Variants in CDH23 observed in about 807,000 individuals in gnomAD.
The protein encoded by CDH23 is cadherin-23.
CDH23 carries 189 observed loss-of-function variants against 317.1 expected under a neutral mutation model. The ratio of observed to expected loss-of-function variants is 0.60; its 90% CI spans 0.53 to 0.67. The LOEUF (loss-of-function observed/expected upper bound fraction) is 0.67, where lower values mean the gene tolerates loss of function less well. Among genes scored for constraint, CDH23 ranks in the 30% least tolerant of loss-of-function variants. CDH23 has a pLI of 0.00. For missense variants in CDH23, 4,401 were observed against 4,592.4 expected (o/e 0.96, Z 1.20); for synonymous variants, 1,839 against 1,876.8 (o/e 0.98, Z 0.52).
chr10:71,553,673 A>G (rs1856724332), intron 6 of CDH23, among the ~76,000 whole-genome samples: 1 of 152,204 alleles, frequency 6.6e-6, no homozygotes, highest in Non-Finnish European at 1.5e-5. Context: ...TTTGTTAGGC[A>G]CCGCTTCCCA....
At chr10:71,759,960 C>CACATACAT (rs1198070941) in intron 38 of CDH23, among the ~76,000 whole-genome samples, 4 of 124,286 alleles carry the variant, frequency 3.2e-5, no homozygotes, top group East Asian at 2.3e-4. Flanking sequence ...TATATACACA[C>CACATACAT]ACATATATAT....
intron 11 of CDH23, among the ~76,000 whole-genome samples, chr10:71,630,537 G>A (rs546031400): frequency 1.9e-4 from 29 of 152,342 alleles, no homozygotes; most frequent in South Asian, 1.7e-3. Context: ...GACTGCACAA[G>A]GTTTTTGGCC....
chr10:71,590,614 T>C (rs1589241407), intron 9 of CDH23, among the ~76,000 whole-genome samples: 5 of 152,214 alleles, frequency 3.3e-5, no homozygotes, highest in Admixed American at 3.3e-4. Context: ...ACAGTGGTAG[T>C]ACCAAATGTC....
At chr10:71,600,329 C>T (rs1217698050) in intron 9 of CDH23, among the ~76,000 whole-genome samples, 2 of 151,592 alleles carry the variant, frequency 1.3e-5, no homozygotes, top group East Asian at 1.9e-4. Context: ...AGTGGGTTGG[C>T]CCACTGATGC....
intron 6 of CDH23, among the ~76,000 whole-genome samples, chr10:71,549,703 A>G (rs1249372136): frequency 2.0e-5 from 3 of 152,184 alleles, no homozygotes; most frequent in Non-Finnish European, 4.4e-5. Flanking sequence ...TTTTCAGATC[A>G]AAATCCACCT....
Position 71,645,995 on chromosome 10 carries a change from A to G in CDH23, c.1290+15A>G. ...ACGACTTTGATGTAAGGCCCCACTC[A>G]CTGGCATTTTGGAGTGGGGTGGGGG... On this transcript the variant is annotated intron_variant, in intron 13 of 69. Transcript: ENST00000224721. 1 of 1,606,120 alleles carries G rather than the reference A, an allele frequency of 6.2e-7. No homozygotes were observed. The highest frequency in any genetic ancestry group is 1.1e-5 in the South Asian group (1 of 89,896).
intron 20 of CDH23, among the ~76,000 whole-genome samples, chr10:71,693,827 G>A (rs1028212104): frequency 5.3e-5 from 8 of 152,140 alleles, no homozygotes; most frequent in African/African-American, 1.9e-4. Context: ...TGAGCTTAAG[G>A]CCTAATGGCC....
intron 6 of CDH23, among the ~76,000 whole-genome samples, chr10:71,565,684 A>C (rs7082381): frequency 0.61 from 92,090 of 152,006 alleles, 28,656 homozygotes; most frequent in East Asian, 0.88. Context: ...TCTTCTCAGC[A>C]CTTATGTGCT....
chr10:71,750,961 G>T, intron 38 of CDH23: 1 of 387,804 alleles, frequency 2.6e-6, no homozygotes, highest in Non-Finnish European at 4.6e-6. Context: ...TGGACGTTCT[G>T]AGACTTCTTA....
intron 9 of CDH23, among the ~76,000 whole-genome samples, chr10:71,580,651 A>G (rs754953308): frequency 5.3e-5 from 8 of 152,190 alleles, no homozygotes; most frequent in Non-Finnish European, 1.2e-4. Flanking sequence ...AATATTTGCC[A>G]TCCTTGCTAT....
At chr10:71,796,100 T>C in intron 48 of CDH23, 1 of 986,286 alleles carries the variant, frequency 1.0e-6, no homozygotes, top group Middle Eastern at 4.7e-4. Flanking sequence ...ACCCCATGGC[T>C]GGGGACCCAC....
intron 9 of CDH23, among the ~76,000 whole-genome samples, chr10:71,602,626 G>T (rs1315499914): frequency 6.6e-6 from 1 of 152,062 alleles, no homozygotes; most frequent in African/African-American, 2.4e-5. Flanking sequence ...AAACTTCAGG[G>T]TGCACCTGTC....
At chr10:71,421,689 A>C (rs1848824351) in intron 1 of CDH23, among the ~76,000 whole-genome samples, 1 of 152,172 alleles carries the variant, frequency 6.6e-6, no homozygotes, top group African/African-American at 2.4e-5. Flanking sequence ...GATGTGAAAT[A>C]TTTTTTCTTA....
intron 3 of CDH23, among the ~76,000 whole-genome samples, chr10:71,446,933 A>C (rs374976381): frequency 6.6e-6 from 1 of 152,288 alleles, no homozygotes; most frequent in Non-Finnish European, 1.5e-5. Context: ...AGGACCCAGA[A>C]GCTTCTCAGG....
chr10:71,729,520 G>T (rs750491224), intron 30 of CDH23, among the ~76,000 whole-genome samples: 3 of 152,154 alleles, frequency 2.0e-5, no homozygotes, highest in Non-Finnish European at 4.4e-5. Flanking sequence ...CCTAGGGGAC[G>T]GAAGTTCCCA....
intron 9 of CDH23, among the ~76,000 whole-genome samples, chr10:71,582,665 T>C (rs973864276): frequency 6.6e-6 from 1 of 152,136 alleles, no homozygotes; most frequent in African/African-American, 2.4e-5. Flanking sequence ...TGTGGGGGTT[T>C]AGTGAGCTGA....
intron 6 of CDH23, among the ~76,000 whole-genome samples, chr10:71,557,898 G>C (rs1052364229): frequency 2.0e-5 from 3 of 152,092 alleles, no homozygotes; most frequent in African/African-American, 4.8e-5. Flanking sequence ...ACACATACTG[G>C]TCTCTTTCAA....
intron 3 of CDH23, among the ~76,000 whole-genome samples, chr10:71,464,473 C>A (rs576439924): frequency 6.6e-6 from 1 of 152,228 alleles, no homozygotes; most frequent in Non-Finnish European, 1.5e-5. Context: ...GTCATTCCCC[C>A]ACTGGTCCTG....
In CDH23 at chr10:71,807,496, T is replaced by C. The variant is rs1841765764; in HGVS notation, c.8309-20T>C. 1 of 1,613,166 alleles carries C rather than the reference T, an allele frequency of 6.2e-7. No homozygotes were observed. Among genetic ancestry groups the C allele is most frequent in the African/African-American group, 1.3e-5 (1 of 75,016 alleles). ...CTCCTGGCCCTGCCCCCTCACCCTG[T>C]GCCATGATCCCACCCTCAGCCGGCA... On this transcript the variant is annotated intron_variant, in intron 58 of 69. Transcript: ENST00000224721.
Sources: gnomAD v4.1 joint callset for allele counts (sites outside exome capture counted in the v4.1 genomes callset) on GRCh38, gnomAD v4.1.1 for gene constraint, MANE v1.5 for transcripts, NCBI Gene and HGNC (gene_info 2026-07-23, HGNC 2026-07-21) for gene names.